Variants in STAT3 observed in about 807,000 individuals in gnomAD.
STAT3 encodes signal transducer and activator of transcription 3, also known as DNA-binding protein APRF.
A neutral mutation model predicts 114.3 loss-of-function variants in STAT3; 7 were observed. That is an observed-to-expected ratio of 0.06 (90% CI 0.03 to 0.11). The LOEUF (loss-of-function observed/expected upper bound fraction) is 0.11. Ranked by LOEUF, STAT3 falls within the 10% of genes least tolerant of loss-of-function variation. The probability of loss-of-function intolerance (pLI) is 1.00; values close to 1 mark genes in which losing one functional copy is unlikely to be tolerated. For missense variants in STAT3, 364 were observed against 960.9 expected, an observed-to-expected ratio of 0.38 and a Z score of 8.21; for synonymous variants, 331 against 354.5, an observed-to-expected ratio of 0.93 and a Z score of 0.74.
chr17:42,366,873 G>A (rs1349672538), intron 1 of STAT3, among the ~76,000 whole-genome samples: 2 of 152,022 alleles, frequency 1.3e-5, no homozygotes, highest in African/African-American at 4.8e-5. Flanking sequence ...TGGCACGGTG[G>A]CTCAAACCTG....
At position 42,366,150 on chromosome 17, in the gene STAT3, C is replaced by T. The variant is rs954866876; in HGVS notation, c.-23-17611G>A. 3.3e-5 allele frequency among the ~76,000 whole-genome samples: 5 copies of T among 152,094 alleles called. No individual in the cohort carries two copies. The East Asian group carries it at 5.8e-4, about 18-fold the overall frequency. The stretch of plus-strand genomic sequence containing the variant: ...TATCTCCACCTGGATGTCTAAAATG[C>T]ATGTCAAACTTAATGTATCCAAAGC... On this transcript the variant is annotated intron_variant, in intron 1 of 23. Coordinates refer to ENST00000264657, the MANE Select transcript of STAT3 (RefSeq NM_139276.3).
At chr17:42,339,061 G>A (rs1340029220) in intron 5 of STAT3, among the ~76,000 whole-genome samples, 1 of 151,898 alleles carries the variant, frequency 6.6e-6, no homozygotes, top group Admixed American at 6.6e-5. Flanking sequence ...TGATCAGCCT[G>A]GACAACACAG....
intron 1 of STAT3, among the ~76,000 whole-genome samples, chr17:42,373,281 C>T (rs963997158): frequency 2.0e-4 from 30 of 151,670 alleles, no homozygotes; most frequent in African/African-American, 6.8e-4. Context: ...ACCTGGGAGG[C>T]GGAGGTTGCA....
At position 42,369,110 on chromosome 17, in the gene STAT3, G is replaced by A. The variant is rs754323706; in HGVS notation, c.-24+19169C>T. On this transcript the variant is annotated intron_variant, in intron 1 of 23. Transcript: ENST00000264657. The stretch of plus-strand genomic sequence containing the variant: ...AGCACGGTGGCTCACACGTAATCCC[G>A]GCACTTTGGGAGGCCGAGGTGGGAG... 1.1e-4 allele frequency among the ~76,000 whole-genome samples: 16 copies of A among 151,958 alleles called. 1 individual carries two copies. The highest frequency in any genetic ancestry group is 2.1e-4 in the South Asian group (1 of 4,814).
chr17:42,327,989 T>C (rs1276355182), intron 14 of STAT3, among the ~76,000 whole-genome samples: 1 of 149,396 alleles, frequency 6.7e-6, no homozygotes, highest in Admixed American at 6.7e-5. Context: ...GAGGTTGCAG[T>C]GAGCTGAGAT....
intron 4 of STAT3, among the ~76,000 whole-genome samples, chr17:42,341,555 C>T (rs1288936291): frequency 6.6e-6 from 1 of 152,070 alleles, no homozygotes; most frequent in East Asian, 1.9e-4. Context: ...ACTTATAATC[C>T]CAACTAGCCT....
chr17:42,323,492 G>C, intron 18 of STAT3, 81 bp downstream of exon 18: 1 of 1,571,784 alleles, frequency 6.4e-7, no homozygotes, highest in Non-Finnish European at 8.8e-7. Flanking sequence ...CAAGAGTTCA[G>C]GGCCTTCAAG....
At position 42,339,407 on chromosome 17, in the gene STAT3, T is replaced by C. The variant is rs747081170; in HGVS notation, c.375A>G (p.Gln125=). Residue 125 remains glutamine, a splice_region_variant and synonymous_variant, in exon 5 of 24, where the codon CAA becomes CAG. Coordinates refer to ENST00000264657, the MANE Select transcript of STAT3 (RefSeq NM_139276.3). ...LLQTAATAAQ[Q]GGQANHPTAA... is the part of the protein sequence containing the mutation. ...CTGTGGGGTGGTTGGCCTGGCCCCC[T>C]TGCTGCCAAAAAGGAGGTCAATGCA... 2 of 1,614,018 alleles carry C rather than the reference T, an allele frequency of 1.2e-6. No individual in the cohort carries two copies. Among genetic ancestry groups the C allele is most frequent in the East Asian group, 4.5e-5 (2 of 44,878 alleles).
rs892637993 is a variant in STAT3 at position 42,358,872 on chromosome 17, T to A, written c.-23-10333A>T. On this transcript the variant is annotated intron_variant, in intron 1 of 23. Coordinates refer to ENST00000264657, the MANE Select transcript of STAT3 (RefSeq NM_139276.3). ...CTGTGCTGGTGCTGCTGGTGCCAGA[T>A]CCTCAGAGCTGCAGTTATTGTTCCT... 1.1e-4 allele frequency among the ~76,000 whole-genome samples: 17 copies of A among 151,732 alleles called. No individual in the cohort carries two copies. The East Asian group carries it at 3.1e-3, about 28-fold the overall frequency.
At chr17:42,364,949 C>T (rs116807958) in intron 1 of STAT3, among the ~76,000 whole-genome samples, 209 of 152,200 alleles carry the variant, frequency 1.4e-3, no homozygotes, top group African/African-American at 4.8e-3. Flanking sequence ...AACAATATAC[C>T]TGGGGCTGAC....
chr17:42,340,073 T>C (rs2082378054), intron 4 of STAT3, among the ~76,000 whole-genome samples: 1 of 151,990 alleles, frequency 6.6e-6, no homozygotes, highest in Non-Finnish European at 1.5e-5. Flanking sequence ...AATTACAGGT[T>C]CGTGCCAGGT....
rs995929321 is a variant in STAT3 at position 42,337,170 on chromosome 17, T to G, written c.797+265A>C. On this transcript the variant is annotated intron_variant, in intron 8 of 23. Coordinates refer to ENST00000264657, the MANE Select transcript of STAT3 (RefSeq NM_139276.3). The surrounding 1 kb of genome is among the most constrained non-coding windows in gnomAD (Gnocchi z 4.0). ...AATTTTTTTATGTTTTTAGTAGAGA[T>G]GTGTTTTCACCATGTTGGCCAGGCT... Among the ~76,000 whole-genome samples, 1 of 152,034 alleles carries G rather than the reference T, an allele frequency of 6.6e-6. No homozygotes were observed. The highest frequency in any genetic ancestry group is 2.4e-5 in the African/African-American group (1 of 41,396).
intron 1 of STAT3, among the ~76,000 whole-genome samples, chr17:42,357,890 A>G (rs1470882941): frequency 2.0e-5 from 3 of 152,208 alleles, no homozygotes; most frequent in African/African-American, 7.2e-5. Context: ...TACTTGCAAT[A>G]AGAAGTCTAT....
At chr17:42,358,259 A>C (rs973908071) in intron 1 of STAT3, among the ~76,000 whole-genome samples, 1 of 151,990 alleles carries the variant, frequency 6.6e-6, no homozygotes, top group East Asian at 1.9e-4. Context: ...CTACAAAAAA[A>C]TTTTTTTAAA....
At position 42,333,778 on chromosome 17, in the gene STAT3, A is replaced by C. The variant is rs762758978; in HGVS notation, c.957-13T>G. ...CACCACAAAGGCACTGAGGAAAGAG[A>C]AGATGGGCTCACGCGCCACGGCCAT... On this transcript the variant is annotated splice_polypyrimidine_tract_variant and intron_variant, in intron 9 of 23. Coordinates refer to ENST00000264657, the MANE Select transcript of STAT3 (RefSeq NM_139276.3). The surrounding 1 kb of genome is among the most constrained non-coding windows in gnomAD (Gnocchi z 5.2). 1 of 1,614,166 alleles carries C rather than the reference A, an allele frequency of 6.2e-7. No homozygotes were observed. Among genetic ancestry groups the C allele is most frequent in the Non-Finnish European group, 8.5e-7 (1 of 1,180,030 alleles).
intron 1 of STAT3, among the ~76,000 whole-genome samples, chr17:42,351,242 A>G (rs964429758): frequency 6.6e-6 from 1 of 151,942 alleles, no homozygotes; most frequent in African/African-American, 2.4e-5. Context: ...TACAAAACAT[A>G]TTATTATTTA....
chr17:42,329,819 T>G lies in STAT3; in HGVS notation c.1110-43A>C, dbSNP rs766312053. 25 of 1,611,432 alleles carry G rather than the reference T, an allele frequency of 1.6e-5. 1 individual carries two copies. The highest frequency in any genetic ancestry group is 2.2e-5 in the East Asian group (1 of 44,870). ...GTTGTTAATAAAATAGGCTCTGTGT[T>G]TCTTCAAAAAGCCTACTTTGACCAC... is the stretch of plus-strand genomic sequence containing the variant. On this transcript the variant is annotated intron_variant, in intron 11 of 23. Transcript: ENST00000264657.
intron 10 of STAT3, among the ~76,000 whole-genome samples, chr17:42,331,953 C>CA (rs1405623297): frequency 6.7e-6 from 1 of 150,138 alleles, no homozygotes; most frequent in Non-Finnish European, 1.5e-5. Context: ...TTTTTTGAGA[C>CA]AGTTTCTCTC....
At chr17:42,323,166 A>G (rs781295096) in intron 19 of STAT3, 23 bp from the exon 20 acceptor site, 23 of 1,614,042 alleles carry the variant, frequency 1.4e-5, no homozygotes, top group Non-Finnish European at 1.9e-5. Context: ...AGGAGGAACA[A>G]TGTTGTTATT....
Sources: allele counts gnomAD v4.1 joint callset (sites outside exome capture counted in the v4.1 genomes callset), GRCh38; gene constraint gnomAD v4.1.1; non-coding constraint Gnocchi (gnomAD v3.1); transcripts MANE v1.5; gene names NCBI Gene and HGNC (gene_info 2026-07-23, HGNC 2026-07-21).